The following KIAA0408 variants were observed in gnomAD, a reference collection of about 807,000 sequenced individuals.
The protein encoded by KIAA0408 is uncharacterized protein KIAA0408.
Under a neutral mutation model 60.9 loss-of-function variants are expected in KIAA0408, and 51 were observed. The ratio of observed to expected loss-of-function variants is 0.84; its 90% CI spans 0.67 to 1.06. The LOEUF is 1.06. Among genes scored for constraint, KIAA0408 ranks in the 50% least tolerant of loss-of-function variants. The probability of loss-of-function intolerance (pLI) is 0.00; values close to 1 mark genes in which losing one functional copy is unlikely to be tolerated. For synonymous variants in KIAA0408, 304 were observed against 282.4 expected, an observed-to-expected ratio of 1.08 and a Z score of -0.77; for missense variants, 787 against 833.9, an observed-to-expected ratio of 0.94 and a Z score of 0.69.
chr6:127,449,944 A>G, intron 3 of KIAA0408, 43 bp from the exon 4 acceptor site: 1 of 1,613,864 alleles, frequency 6.2e-7, no homozygotes, highest in South Asian at 1.1e-5. Flanking sequence ...TTTGAAATGT[A>G]AATATTTCTT....
At position 127,439,909 on chromosome 6, in the gene KIAA0408, C is replaced by G. The variant is rs553124741; in HGVS notation, c.*4200G>C. ...TCATGAGTGAGCCCAGGCTTGGATT[C>G]TGTCCCTGCAATCTTGGCAGCCATG... On this transcript the variant is annotated 3_prime_UTR_variant, in exon 6 of 6. Transcript: ENST00000483725. 1 of 152,208 alleles carries G rather than the reference C, an allele frequency of 6.6e-6. No homozygotes were observed. The highest frequency in any genetic ancestry group is 1.5e-5 in the Non-Finnish European group (1 of 68,052). The allele number at this position is 152,208 out of a possible 1,614,324, so 9.4% of individuals were successfully genotyped here.
At position 127,441,163 on chromosome 6, in the gene KIAA0408, A is replaced by G. The variant is rs939964530; in HGVS notation, c.*2946T>C. The G allele has an allele frequency of 9.2e-5, 14 of 152,358 alleles. No individual in the cohort carries two copies. The highest frequency in any genetic ancestry group is 3.4e-4 in the African/African-American group (14 of 41,466). 9.4% of individuals were successfully genotyped at this position (152,358 alleles called of 1,614,324 possible). ...ACTTTAAAGATCTTTGTAGGGAAGC[A>G]GAAACTCTTAAGTCCAGATGTTTTC... On this transcript the variant is annotated 3_prime_UTR_variant, in exon 6 of 6. Transcript: ENST00000483725.
chr6:127,455,801 C>T (rs556827006), intron 1 of KIAA0408, among the ~76,000 whole-genome samples: 21 of 152,220 alleles, frequency 1.4e-4, no homozygotes, highest in African/African-American at 4.8e-4. Flanking sequence ...TTCTCCACCT[C>T]CTCTGTCACC....
chr6:127,446,708 G>T lies in KIAA0408; in HGVS notation c.1611C>A (p.Leu537=). The T allele has an allele frequency of 6.2e-7, 1 of 1,613,886 alleles. No individual in the cohort carries two copies. Among genetic ancestry groups the T allele is most frequent in the Non-Finnish European group, 8.5e-7 (1 of 1,179,996 alleles). ...HLSPRSYRNM[L]HEHDWRPSNL... ...TACTCGGTCTCCAGTCATGCTCGTG[G>T]AGCATATTTCGATAACTGCGAGGAC... The change falls in exon 5 of 6, where the codon CTC becomes CTA. Residue 537 remains leucine (L), a synonymous_variant. Coordinates refer to ENST00000483725, the MANE Select transcript of KIAA0408 (RefSeq NM_014702.5).
At chr6:127,451,564 C>T (rs1773303260) in intron 2 of KIAA0408, among the ~76,000 whole-genome samples, 1 of 152,064 alleles carries the variant, frequency 6.6e-6, no homozygotes, top group Non-Finnish European at 1.5e-5. Context: ...TTTGCGAAGT[C>T]ATGAGTGAAA....
rs1773102957 is a variant in KIAA0408, at chr6:127,441,214, C to T, written c.*2895G>A. ...TCAGGATAACTAAACCTGGTAAAAT[C>T]ACCTATATAGAAGTAAATAATATTT... is the stretch of plus-strand genomic sequence containing the variant. On this transcript the variant is annotated 3_prime_UTR_variant, in exon 6 of 6. Transcript: ENST00000483725. 6.6e-6 allele frequency: 1 copy of T among 152,584 alleles called. No individual in the cohort carries two copies. The highest frequency in any genetic ancestry group is 1.9e-4 in the East Asian group (1 of 5,182). 9.5% of individuals were successfully genotyped at this position (152,584 alleles called of 1,614,324 possible).
chr6:127,450,452 A>G (rs1311992699), intron 2 of KIAA0408, 100 bp from the exon 3 acceptor site: 2 of 1,435,656 alleles, frequency 1.4e-6, no homozygotes, highest in Admixed American at 5.7e-5. Context: ...TCTTTGCCAT[A>G]TTAAAATATA....
rs752363983 is a variant in KIAA0408, at chr6:127,447,355, T to C, written c.964A>G (p.Met322Val). 52 of 1,612,620 alleles carry C rather than the reference T, an allele frequency of 3.2e-5. No individual in the cohort carries two copies. The Admixed American group carries it at 5.0e-4, about 16-fold the overall frequency. ...GTTTTCCCTTCATTTGGATACAACA[T>C]AGACATCTCTTGTTGTCTCAAAGGG... ...HFPLRQQEMS[M>V]LYPNEGKTSK... The change falls in exon 5 of 6, where the codon ATG becomes GTG. Residue 322 changes from methionine to valine, a missense_variant. This residue lies in a region of KIAA0408 where 640 missense variants were observed against 681.3 expected (regional missense o/e 0.94). Coordinates refer to ENST00000483725, the MANE Select transcript of KIAA0408 (RefSeq NM_014702.5).
chr6:127,449,734 T>C (rs1202692622), intron 4 of KIAA0408, 88 bp downstream of exon 4: 11 of 1,531,742 alleles, frequency 7.2e-6, no homozygotes, highest in South Asian at 4.7e-5. Flanking sequence ...AGTTCTTACA[T>C]GTAAGGAGGA....
At chr6:127,452,775 T>C (rs1392242351) in intron 2 of KIAA0408, among the ~76,000 whole-genome samples, 3 of 152,114 alleles carry the variant, frequency 2.0e-5, no homozygotes, top group Non-Finnish European at 4.4e-5. Flanking sequence ...AATCTCTTTG[T>C]TGATCCAATC....
In KIAA0408 at chr6:127,446,437, G is replaced by A; in HGVS notation, c.1882C>T (p.Gln628Ter). The A allele has an allele frequency of 6.2e-7, 1 of 1,611,444 alleles. No homozygotes were observed. ...GTTATCTTTTTCGGATCTATTCCTT[G>A]CTTCACTTCCTGTCCCCCCCACACA... ...TAVWGGQEVK[Q>*]GIDPKKITEE... The change falls in exon 5 of 6, where the codon CAA (glutamine) becomes TAA (stop). Residue 628 changes from glutamine to a stop codon, truncating the protein, a stop_gained. Transcript: ENST00000483725. LOFTEE classifies it high-confidence loss of function.
chr6:127,455,023 T>A (rs1773369045), intron 1 of KIAA0408, among the ~76,000 whole-genome samples: 1 of 152,140 alleles, frequency 6.6e-6, no homozygotes, highest in African/African-American at 2.4e-5. Context: ...CATAGAACTG[T>A]TAAAAAGATT....
chr6:127,447,345 G>T lies in KIAA0408; in HGVS notation c.974C>A (p.Pro325Gln), dbSNP rs1465233458. The change falls in exon 5 of 6, where the codon CCA becomes CAA. Residue 325 changes from proline to glutamine, a missense_variant. By Grantham distance (76) the Pro-to-Gln change is moderately conservative. This residue lies in a region of KIAA0408 where 640 missense variants were observed against 681.3 expected (regional missense o/e 0.94). Transcript: ENST00000483725. ...ATCTTTCGAAGTTTTCCCTTCATTT[G>T]GATACAACATAGACATCTCTTGTTG... ...LRQQEMSMLY[P>Q]NEGKTSKDGI... 1.2e-6 allele frequency: 2 copies of T among 1,612,860 alleles called. No individual in the cohort carries two copies. Among genetic ancestry groups the T allele is most frequent in the Admixed American group, 1.7e-5 (1 of 59,774 alleles).
chr6:127,450,141 T>C lies in KIAA0408; in HGVS notation c.347A>G (p.Asn116Ser), dbSNP rs1773276133. The change falls in exon 3 of 6, where the codon AAT becomes AGT. Residue 116 changes from asparagine (N) to serine (S), a missense_variant. Coordinates refer to ENST00000483725, the MANE Select transcript of KIAA0408 (RefSeq NM_014702.5). ...KREQSLVSGG[N>S]QMCKEQKATK... ...TGCTTTTTGTTCCTTACACATTTGA[T>C]TTCCTCCACTGACTAAGCTCTGCTC... 17 of 1,614,106 alleles carry C rather than the reference T, an allele frequency of 1.1e-5. No homozygotes were observed. The highest frequency in any genetic ancestry group is 1.2e-5 in the Non-Finnish European group (14 of 1,179,994).
rs1583063480 is a variant in KIAA0408 at position 127,440,915 on chromosome 6, T to C, written c.*3194A>G. 6.6e-6 allele frequency: 1 copy of C among 152,264 alleles called. No homozygotes were observed. The highest frequency in any genetic ancestry group is 1.9e-4 in the East Asian group (1 of 5,176). 9.4% of individuals were successfully genotyped at this position (152,264 alleles called of 1,614,324 possible). A position where few individuals can be genotyped will look rare whatever the true frequency, so the allele number is the denominator to read the frequency against. On this transcript the variant is annotated 3_prime_UTR_variant, in exon 6 of 6. Transcript: ENST00000483725. Reference sequence around the variant, plus strand: ...TTCAGTTGTACTACCTAGAGATATTTTGGAAGAAGCTAGAGTGAACTGTGT... The same window carrying C: ...TTCAGTTGTACTACCTAGAGATATTCTGGAAGAAGCTAGAGTGAACTGTGT...
In KIAA0408 at chr6:127,452,648, C is replaced by G. The variant is rs375102810; in HGVS notation, c.135+1199G>C. 1.1e-4 allele frequency among the ~76,000 whole-genome samples: 17 copies of G among 152,156 alleles called. No individual in the cohort carries two copies. In the East Asian group the frequency reaches 3.1e-3, roughly 28 times the overall value. On this transcript the variant is annotated intron_variant, in intron 2 of 5. Transcript: ENST00000483725. ...ATCCCTTAGTTATTTTGCTTGGATG[C>G]TAGAATTGTCTGAGACTGTTATGAA...
intron 1 of KIAA0408, among the ~76,000 whole-genome samples, chr6:127,458,729 C>T (rs1221714273): frequency 6.6e-6 from 1 of 152,262 alleles, no homozygotes; most frequent in Non-Finnish European, 1.5e-5. Context: ...TTAGATAAAA[C>T]TAAAATTTAT....
At position 127,447,534 on chromosome 6, in the gene KIAA0408, T is replaced by C. The variant is rs149560592; in HGVS notation, c.785A>G (p.Asn262Ser). The C allele has an allele frequency of 1.7e-5, 28 of 1,610,872 alleles. No individual in the cohort carries two copies. The African/African-American group carries it at 3.2e-4, about 19-fold the overall frequency. The part of the protein sequence containing the change: ...CGIDTIDLKR[N>S]ETPPVPPPRS... ...TGGAGGAGGAACTGGTGGAGTTTCA[T>C]TTCTTTTTAAATCGATTGTATCAAT... Residue 262 changes from asparagine (N) to serine (S), a missense_variant, in exon 5 of 6, where the codon AAT becomes AGT. Coordinates refer to ENST00000483725, the MANE Select transcript of KIAA0408 (RefSeq NM_014702.5).
chr6:127,444,337 A>C, intron 5 of KIAA0408, 55 bp from the exon 6 acceptor site: 1 of 1,380,918 alleles, frequency 7.2e-7, no homozygotes, highest in South Asian at 1.4e-5. Context: ...CAATAGGCTT[A>C]ATATATGATG....
Sources: gnomAD v4.1 joint callset for allele counts (sites outside exome capture counted in the v4.1 genomes callset) on GRCh38, gnomAD v4.1.1 for gene constraint, gnomAD v4.1.1 regional missense constraint, MANE v1.5 for transcripts, NCBI Gene and HGNC (gene_info 2026-07-23, HGNC 2026-07-21) for gene names.